The following GREB1 variants were observed in gnomAD, a reference collection of about 807,000 sequenced individuals.
GREB1 encodes the protein protein GREB1.
GREB1 carries 106 observed loss-of-function variants against 200.7 expected under a neutral mutation model. The observed-to-expected ratio is 0.53, with a 90% CI of 0.45 to 0.62. GREB1 has a LOEUF of 0.62. GREB1 is among the 20% of genes least tolerant of loss of function. The probability of loss-of-function intolerance (pLI) is 0.00; values close to 1 mark genes in which losing one functional copy is unlikely to be tolerated. For synonymous variants in GREB1, 1,132 were observed against 1,092.4 expected (o/e 1.04, Z -0.72); for missense variants, 2,243 against 2,556.8 (o/e 0.88, Z 2.65).
chr2:11,609,099 A>G (rs974196811), intron 17 of GREB1, among the ~76,000 whole-genome samples: 4 of 152,104 alleles, frequency 2.6e-5, no homozygotes, highest in African/African-American at 7.2e-5. Flanking sequence ...TGTTTCATTT[A>G]TGTGTTCAGT....
At chr2:11,541,421 C>T (rs909325315) in intron 1 of GREB1, among the ~76,000 whole-genome samples, 5 of 150,592 alleles carry the variant, frequency 3.3e-5, no homozygotes, top group Non-Finnish European at 5.9e-5. Flanking sequence ...TGTGGGCATC[C>T]GCGAGTGAGT....
In GREB1 at chr2:11,519,245, G is replaced by A. The variant is rs549349663; in HGVS notation, c.-159+36864G>A. Among the ~76,000 whole-genome samples, 12 of 151,940 alleles carry A rather than the reference G, an allele frequency of 7.9e-5. No homozygotes were observed. In the South Asian group the frequency reaches 2.1e-3, roughly 26 times the overall value. ...GTTTAATAAAATTTAGATAGACATCGTTACCTATACTGTTGGTAATAAGGG... is the reference window on the plus strand; with the variant it reads ...GTTTAATAAAATTTAGATAGACATCATTACCTATACTGTTGGTAATAAGGG... On this transcript the variant is annotated intron_variant, in intron 1 of 2. Coordinates refer to the GREB1 transcript ENST00000628795.
Position 11,585,814 on chromosome 2 carries a change from A to T in GREB1, c.1068A>T (p.Ser356=). 1.2e-6 allele frequency: 2 copies of T among 1,613,818 alleles called. No homozygotes were observed. Among genetic ancestry groups the T allele is most frequent in the Non-Finnish European group, 1.7e-6 (2 of 1,179,998 alleles). The change falls in exon 9 of 33, where the codon TCA becomes TCT. Residue 356 remains serine (S), a synonymous_variant. Transcript: ENST00000381486. The part of the protein sequence containing the change: ...VPQVGLVGPA[S]VTFPVVASGE... ...AGGTTGGCTTGGTGGGACCAGCTTC[A>T]GTCACCTTTCCAGTGGTGGCCTCTG...
intron 19 of GREB1, among the ~76,000 whole-genome samples, chr2:11,614,286 C>A (rs1432064884): frequency 1.3e-5 from 2 of 151,872 alleles, no homozygotes; most frequent in Non-Finnish European, 2.9e-5. Context: ...GCCTCCACAC[C>A]CGGCTAATTT....
In GREB1 at chr2:11,638,692, T is replaced by A; in HGVS notation, c.5569T>A (p.Ser1857Thr). ...TCAGATTTCTGTTTGCTATGTGAGC[T>A]CCAGGCCCCACTCTTTAAACATCAG... is the stretch of plus-strand genomic sequence containing the variant. ...GSQISVCYVSSRPHSLNISCS... is the reference protein window; with the variant it reads ...GSQISVCYVSTRPHSLNISCS... The change falls in exon 32 of 33, where the codon TCC (serine) becomes ACC (threonine). Residue 1857 changes from serine (S) to threonine (T), a missense_variant. By Grantham distance (58) the Ser-to-Thr change is moderately conservative. Coordinates refer to ENST00000381486, the MANE Select transcript of GREB1 (RefSeq NM_014668.4). The A allele has an allele frequency of 6.2e-7, 1 of 1,614,054 alleles. No homozygotes were observed. The highest frequency in any genetic ancestry group is 8.5e-7 in the Non-Finnish European group (1 of 1,179,982).
intron 1 of GREB1, among the ~76,000 whole-genome samples, chr2:11,550,366 G>A (rs1032080596): frequency 2.0e-5 from 3 of 152,174 alleles, no homozygotes. Context: ...TTTTAGGGGA[G>A]CCAAATGGGA....
chr2:11,630,525 G>A (rs1440771527), intron 26 of GREB1, among the ~76,000 whole-genome samples: 1 of 152,128 alleles, frequency 6.6e-6, no homozygotes, highest in Non-Finnish European at 1.5e-5. Flanking sequence ...GTAGGCTTAG[G>A]TAGATAGGAC....
At chr2:11,626,128 G>GT (rs1164658354) in intron 24 of GREB1, among the ~76,000 whole-genome samples, 1 of 152,122 alleles carries the variant, frequency 6.6e-6, no homozygotes, top group African/African-American at 2.4e-5. Context: ...GTAGATTTGG[G>GT]TGGGGACACA....
At chr2:11,502,769 A>T (rs907647788) in intron 1 of GREB1, among the ~76,000 whole-genome samples, 6 of 152,178 alleles carry the variant, frequency 3.9e-5, no homozygotes, top group Non-Finnish European at 8.8e-5. Context: ...CATCTATTTT[A>T]TATGTTATCT....
chr2:11,513,733 A>G (rs924316616), intron 1 of GREB1, among the ~76,000 whole-genome samples: 1 of 152,024 alleles, frequency 6.6e-6, no homozygotes, highest in African/African-American at 2.4e-5. Flanking sequence ...ACATTTATTT[A>G]GTCCCCAGGG....
intron 25 of GREB1, 140 bp downstream of exon 25, chr2:11,627,244 T>A (rs1398192966): frequency 7.1e-6 from 5 of 703,486 alleles, no homozygotes; most frequent in Non-Finnish European, 1.1e-5. Context: ...CATCCTCTGT[T>A]CCCTTCAATT....
At chr2:11,558,603 GGGGGCTGAT>G (rs1191121795) in intron 2 of GREB1, among the ~76,000 whole-genome samples, 1 of 152,202 alleles carries the variant, frequency 6.6e-6, no homozygotes, top group Non-Finnish European at 1.5e-5. Context: ...AGGAAAACAA[GGGGGCTGAT>G]GGGGCTGGTG....
chr2:11,521,506 T>G (rs1298489068), intron 1 of GREB1, among the ~76,000 whole-genome samples: 1 of 152,248 alleles, frequency 6.6e-6, no homozygotes, highest in Non-Finnish European at 1.5e-5. Context: ...TAAAACAATT[T>G]GTGTCCCACG....
rs1350838281 is a variant in GREB1, at chr2:11,610,577, G to A, written c.2667-111G>A. 7.7e-5 allele frequency: 59 copies of A among 769,160 alleles called. 2 individuals are homozygous for A. The South Asian group carries it at 8.6e-4, about 11-fold the overall frequency. 47.6% of individuals were successfully genotyped at this position (769,160 alleles called of 1,614,324 possible). A position where few individuals can be genotyped will look rare whatever the true frequency, so the allele number is the denominator to read the frequency against. ...CACCTTCCAGAGGCAACACAACTGC[G>A]TATAATGCCGGAGTTGCCTGTGGTA... On this transcript the variant is annotated intron_variant, in intron 17 of 32. Coordinates refer to ENST00000381486, the MANE Select transcript of GREB1 (RefSeq NM_014668.4).
At chr2:11,485,525 C>G (rs941583194) in intron 1 of GREB1, among the ~76,000 whole-genome samples, 1 of 152,146 alleles carries the variant, frequency 6.6e-6, no homozygotes, top group African/African-American at 2.4e-5. Flanking sequence ...CCACCCACCT[C>G]AGCCTCCCAA....
rs763323828 is a variant in GREB1, at chr2:11,598,675, T to C, written c.2153-5T>C. On this transcript the variant is annotated splice_polypyrimidine_tract_variant and splice_region_variant and intron_variant, in intron 14 of 32. Transcript: ENST00000381486. ...AGTTACTGATGTATGTTCTTTGTGT[T>C]GCAGGGGTTTTGCTGGAGCTTGGTC... is the stretch of plus-strand genomic sequence containing the variant. The C allele has an allele frequency of 6.2e-7, 1 of 1,613,790 alleles. No individual in the cohort carries two copies. Among genetic ancestry groups the C allele is most frequent in the South Asian group, 1.1e-5 (1 of 91,030 alleles).
At chr2:11,505,708 G>C (rs1489676547) in intron 1 of GREB1, among the ~76,000 whole-genome samples, 1 of 152,050 alleles carries the variant, frequency 6.6e-6, no homozygotes, top group Admixed American at 6.5e-5. Context: ...TTAGCCGGGC[G>C]TGGTGATGGG....
chr2:11,490,481 C>T (rs1163255196), intron 1 of GREB1, among the ~76,000 whole-genome samples: 1 of 152,142 alleles, frequency 6.6e-6, no homozygotes, highest in Non-Finnish European at 1.5e-5. Context: ...TGGGTTATTT[C>T]ACTTTTTGGC....
In GREB1 at chr2:11,598,698, G is replaced by A. The variant is rs1681489452; in HGVS notation, c.2171G>A (p.Gly724Asp). Residue 724 changes from glycine (G) to aspartate (D), a missense_variant, in exon 15 of 33, where the codon GGT becomes GAT. Transcript: ENST00000381486. ...VWHSGVLLEL[G>D]LKKEHMTKQR... ...GTTGCAGGGGTTTTGCTGGAGCTTG[G>A]TCTGAAGAAAGAGCACATGACGAAG... 1 of 1,614,174 alleles carries A rather than the reference G, an allele frequency of 6.2e-7. No individual in the cohort carries two copies. Among genetic ancestry groups the A allele is most frequent in the Non-Finnish European group, 8.5e-7 (1 of 1,180,018 alleles).
Sources: allele counts gnomAD v4.1 joint callset (sites outside exome capture counted in the v4.1 genomes callset), GRCh38; gene constraint gnomAD v4.1.1; transcripts MANE v1.5; gene names NCBI Gene and HGNC (gene_info 2026-07-23, HGNC 2026-07-21).